Variants in PDK1 observed in about 807,000 individuals in gnomAD.
The protein encoded by PDK1 is [Pyruvate dehydrogenase (acetyl-transferring)] kinase isozyme 1, mitochondrial.
In PDK1, 39 loss-of-function variants were observed where a neutral mutation model predicts 54.2. The ratio of observed to expected loss-of-function variants is 0.72; its 90% CI spans 0.56 to 0.94. PDK1 has a LOEUF of 0.94. PDK1 is among the 40% of genes least tolerant of loss of function. PDK1 has a pLI of 0.00. For synonymous variants in PDK1, 221 were observed against 207.1 expected, an observed-to-expected ratio of 1.07 and a Z score of -0.58; for missense variants, 552 against 566.0, an observed-to-expected ratio of 0.98 and a Z score of 0.25.
chr2:172,567,953 C>T (rs939819075), intron 6 of PDK1, among the ~76,000 whole-genome samples: 1 of 152,202 alleles, frequency 6.6e-6, no homozygotes, highest in Non-Finnish European at 1.5e-5. Context: ...TTGATGCTAG[C>T]TCATATTTTT....
At chr2:172,690,245 A>G in the PDK1 span, among the ~76,000 whole-genome samples, 1 of 150,694 alleles carries the variant, frequency 6.6e-6, no homozygotes, top group African/African-American at 2.4e-5. Flanking sequence ...CAGACACATG[A>G]AAAAATGCTC....
the PDK1 span, among the ~76,000 whole-genome samples, chr2:172,682,273 G>A: frequency 3.9e-5 from 6 of 152,354 alleles, no homozygotes; most frequent in East Asian, 1.9e-4. Flanking sequence ...GGGGAGAATA[G>A]GAGAGGACAT....
the PDK1 span, among the ~76,000 whole-genome samples, chr2:172,693,183 G>A: frequency 5.9e-5 from 9 of 152,210 alleles, no homozygotes; most frequent in African/African-American, 2.2e-4. Flanking sequence ...ACATCACTGT[G>A]GTGATAGGAA....
At chr2:172,630,655 G>A in the PDK1 span, among the ~76,000 whole-genome samples, 15 of 150,182 alleles carry the variant, frequency 1.0e-4, no homozygotes, top group Admixed American at 9.9e-4. Flanking sequence ...TTTGAGACAG[G>A]GCCTCATTCT....
chr2:172,683,386 A>T, the PDK1 span, among the ~76,000 whole-genome samples: 1 of 151,602 alleles, frequency 6.6e-6, no homozygotes, highest in Admixed American at 6.6e-5. Flanking sequence ...ATGAGTTTTA[A>T]TTGGCTAACA....
At chr2:172,610,701 C>T (rs374426744), downstream of PDK1, among the ~76,000 whole-genome samples, 1 of 152,136 alleles carries the variant, frequency 6.6e-6, no homozygotes, top group South Asian at 2.1e-4. Flanking sequence ...ACCTCTGCCT[C>T]CCAGGTTCAA....
the PDK1 span, among the ~76,000 whole-genome samples, chr2:172,713,097 C>A: frequency 3.3e-5 from 5 of 152,154 alleles, no homozygotes; most frequent in Non-Finnish European, 5.9e-5. Flanking sequence ...CCTGGAGTAC[C>A]TGGAGTGGGT....
the PDK1 span, among the ~76,000 whole-genome samples, chr2:172,630,868 G>A: frequency 1.8e-4 from 28 of 152,066 alleles, no homozygotes; most frequent in African/African-American, 4.8e-4. Context: ...GACCTCAAGC[G>A]ATCCTCCCAC....
At chr2:172,657,164 A>C in the PDK1 span, among the ~76,000 whole-genome samples, 1 of 151,952 alleles carries the variant, frequency 6.6e-6, no homozygotes, top group Non-Finnish European at 1.5e-5. Context: ...TCTAAGAAGA[A>C]TTGTTTTGTT....
the PDK1 span, among the ~76,000 whole-genome samples, chr2:172,670,369 T>C: frequency 6.6e-6 from 1 of 152,238 alleles, no homozygotes; most frequent in Non-Finnish European, 1.5e-5. Flanking sequence ...TATAATTTAA[T>C]TTATGAAATC....
At chr2:172,557,308 GT>G (rs1688388406) in intron 1 of PDK1, among the ~76,000 whole-genome samples, 1 of 152,206 alleles carries the variant, frequency 6.6e-6, no homozygotes, top group African/African-American at 2.4e-5. Flanking sequence ...AATTTCTACT[GT>G]TGACAATCTA....
intron 9 of PDK1, among the ~76,000 whole-genome samples, chr2:172,588,580 G>C: frequency 6.6e-6 from 1 of 152,172 alleles, no homozygotes; most frequent in East Asian, 1.9e-4. Flanking sequence ...CCTGGAACAG[G>C]CTCCTCCATA....
the PDK1 span, among the ~76,000 whole-genome samples, chr2:172,653,651 G>A: frequency 6.6e-6 from 1 of 151,632 alleles, no homozygotes; most frequent in South Asian, 2.1e-4. Flanking sequence ...TTAAATGTTA[G>A]ACCTAAAACC....
chr2:172,640,906 C>CTCCT, the PDK1 span, among the ~76,000 whole-genome samples: 1 of 150,976 alleles, frequency 6.6e-6, no homozygotes, highest in African/African-American at 2.4e-5. Context: ...CCCTCCCTCC[C>CTCCT]TCCTTCCTTC....
chr2:172,561,024 G>A (rs1237043656), intron 2 of PDK1, among the ~76,000 whole-genome samples: 1 of 152,190 alleles, frequency 6.6e-6, no homozygotes, highest in Non-Finnish European at 1.5e-5. Flanking sequence ...AAATATGACT[G>A]CTATATATAT....
At chr2:172,700,493 G>A in the PDK1 span, among the ~76,000 whole-genome samples, 3 of 150,038 alleles carry the variant, frequency 2.0e-5, no homozygotes, top group African/African-American at 4.9e-5. Flanking sequence ...GATGACGGCC[G>A]GGAAGAGGTG....
intron 1 of PDK1, 139 bp from the exon 2 acceptor site, chr2:172,558,569 C>G: frequency 5.8e-6 from 4 of 693,684 alleles, no homozygotes; most frequent in Non-Finnish European, 9.5e-6. Context: ...TGTATCTTTG[C>G]CTCCTATTCC....
At chr2:172,593,930 T>C (rs918413358) in intron 10 of PDK1, among the ~76,000 whole-genome samples, 2 of 152,148 alleles carry the variant, frequency 1.3e-5, no homozygotes, top group Non-Finnish European at 2.9e-5. Context: ...GAAGAATTTA[T>C]ATTGGAAAAA....
chr2:172,629,824 C>T, the PDK1 span, among the ~76,000 whole-genome samples: 41 of 152,172 alleles, frequency 2.7e-4, no homozygotes, highest in Non-Finnish European at 1.0e-4. Context: ...CAGAAGTGCT[C>T]ATCCTGGCCT....
Sources: gnomAD v4.1 joint callset for allele counts (sites outside exome capture counted in the v4.1 genomes callset) on GRCh38, gnomAD v4.1.1 for gene constraint, MANE v1.5 for transcripts, NCBI Gene and HGNC (gene_info 2026-07-23, HGNC 2026-07-21) for gene names.